The following CACNA2D3 variants were observed in gnomAD, a reference collection of about 807,000 sequenced individuals.
CACNA2D3 encodes calcium voltage-gated channel auxiliary subunit alpha2delta 3, also known as voltage-dependent calcium channel subunit alpha-2/delta-3.
A neutral mutation model predicts 160.6 loss-of-function variants in CACNA2D3; 60 were observed. The ratio of observed to expected loss-of-function variants is 0.37; its 90% CI spans 0.30 to 0.46. The LOEUF is 0.46. Ranked by LOEUF, CACNA2D3 falls within the 20% of genes least tolerant of loss-of-function variation. The pLI, the probability that CACNA2D3 is intolerant of heterozygous loss-of-function variation, is 1.00. For missense variants in CACNA2D3, 1,205 were observed against 1,365.0 expected (o/e 0.88, Z 1.85); for synonymous variants, 558 against 492.9 (o/e 1.13, Z -1.75).
chr3:55,012,572 C>T (rs2107149289), intron 34 of CACNA2D3, among the ~76,000 whole-genome samples: 1 of 152,226 alleles, frequency 6.6e-6, no homozygotes, highest in African/African-American at 2.4e-5. Context: ...ATGCCATTCA[C>T]TATGATCTTT....
chr3:55,071,362 G>T (rs1704800861), intron 35 of CACNA2D3, among the ~76,000 whole-genome samples: 1 of 152,066 alleles, frequency 6.6e-6, no homozygotes, highest in Non-Finnish European at 1.5e-5. Context: ...GCTTATACTG[G>T]CAGTCATGTG....
chr3:54,393,684 A>G (rs1408078555), intron 4 of CACNA2D3, among the ~76,000 whole-genome samples: 2 of 152,182 alleles, frequency 1.3e-5, no homozygotes, highest in African/African-American at 4.8e-5. Flanking sequence ...TGAGCTAAAG[A>G]GGTACATCAA....
intron 11 of CACNA2D3, among the ~76,000 whole-genome samples, chr3:54,716,675 C>G (rs1304430115): frequency 6.6e-6 from 1 of 152,024 alleles, no homozygotes; most frequent in Non-Finnish European, 1.5e-5. Context: ...ATGAGAAGTT[C>G]TATCTGTAGC....
chr3:54,247,521 AAACAC>A (rs1321807949), intron 2 of CACNA2D3, among the ~76,000 whole-genome samples: 1 of 152,230 alleles, frequency 6.6e-6, no homozygotes, highest in Non-Finnish European at 1.5e-5. Flanking sequence ...AAGAGCAAAT[AAACAC>A]AACAGATAAT....
intron 4 of CACNA2D3, among the ~76,000 whole-genome samples, chr3:54,435,578 C>T (rs1700047834): frequency 6.6e-6 from 1 of 152,108 alleles, no homozygotes; most frequent in Non-Finnish European, 1.5e-5. Context: ...ACACTCCCAC[C>T]CAGCCCTTCT....
At chr3:54,621,849 TGTAGTCTG>T (rs1698993701) in intron 9 of CACNA2D3, among the ~76,000 whole-genome samples, 1 of 152,204 alleles carries the variant, frequency 6.6e-6, no homozygotes, top group Admixed American at 6.5e-5. Flanking sequence ...GCGTTGGAGA[TGTAGTCTG>T]TTTTAATTTT....
At chr3:54,408,750 T>C (rs1305300893) in intron 4 of CACNA2D3, among the ~76,000 whole-genome samples, 1 of 152,220 alleles carries the variant, frequency 6.6e-6, no homozygotes, top group Non-Finnish European at 1.5e-5. Flanking sequence ...TTGGCAACTC[T>C]AATGACACTT....
intron 4 of CACNA2D3, among the ~76,000 whole-genome samples, chr3:54,426,887 C>T (rs1201420967): frequency 6.6e-6 from 1 of 151,974 alleles, no homozygotes; most frequent in South Asian, 2.1e-4. Context: ...ATCAGAAAAT[C>T]CTTTCTAGAT....
intron 11 of CACNA2D3, among the ~76,000 whole-genome samples, chr3:54,735,975 A>G (rs1391448054): frequency 2.3e-5 from 3 of 132,350 alleles, no homozygotes; most frequent in South Asian, 2.3e-4. Flanking sequence ...TTATTTTTCC[A>G]TGCATGTATA....
At chr3:54,242,045 GT>G (rs1484912241) in intron 2 of CACNA2D3, among the ~76,000 whole-genome samples, 1 of 152,110 alleles carries the variant, frequency 6.6e-6, no homozygotes, top group Non-Finnish European at 1.5e-5. Context: ...ACACTTATGT[GT>G]TTTCCTATAC....
At chr3:54,522,183 AT>A (rs1024220481) in intron 5 of CACNA2D3, among the ~76,000 whole-genome samples, 2 of 151,648 alleles carry the variant, frequency 1.3e-5, no homozygotes, top group African/African-American at 4.8e-5. Context: ...TATGAGATAT[AT>A]TTTTTTTCAT....
intron 26 of CACNA2D3, 110 bp from the exon 27 acceptor site, chr3:54,899,678 A>T (rs1700281132): frequency 5.1e-6 from 4 of 787,946 alleles, no homozygotes; most frequent in South Asian, 5.0e-5. Flanking sequence ...CCTGGGACCA[A>T]GCCCCAGAAC....
chr3:54,248,481 C>CA (rs577393882), intron 2 of CACNA2D3, among the ~76,000 whole-genome samples: 712 of 43,788 alleles, frequency 0.016, 1 homozygote, highest in Admixed American at 0.025. Flanking sequence ...AACTCCATCT[C>CA]AAAAAAAAAA....
chr3:54,612,070 G>C (rs993512219), intron 9 of CACNA2D3, among the ~76,000 whole-genome samples: 1 of 152,188 alleles, frequency 6.6e-6, no homozygotes, highest in East Asian at 1.9e-4. Context: ...CTACTAGTTG[G>C]CTGTCCCAGG....
chr3:54,434,620 C>T (rs1180582073), intron 4 of CACNA2D3, among the ~76,000 whole-genome samples: 1 of 152,210 alleles, frequency 6.6e-6, no homozygotes, highest in East Asian at 1.9e-4. Context: ...GCAGCTTATT[C>T]TGGCAGTCCT....
chr3:55,020,845 G>A (rs1436241440), intron 35 of CACNA2D3, among the ~76,000 whole-genome samples: 1 of 147,452 alleles, frequency 6.8e-6, no homozygotes, highest in Non-Finnish European at 1.5e-5. Flanking sequence ...GCTAGATTCC[G>A]TCTCAAAAAA....
intron 4 of CACNA2D3, among the ~76,000 whole-genome samples, chr3:54,443,832 A>G (rs1483578878): frequency 6.6e-6 from 1 of 152,236 alleles, no homozygotes; most frequent in Non-Finnish European, 1.5e-5. Flanking sequence ...TCATAGATCA[A>G]AGTGACCGCA....
At chr3:54,924,874 G>T (rs35540470) in intron 27 of CACNA2D3, 1 of 1,613,770 alleles carries the variant, frequency 6.2e-7, no homozygotes, top group African/African-American at 1.3e-5. Flanking sequence ...GAATGGAAAA[G>T]TCTGCTTTCC....
rs1559563788 is a variant in CACNA2D3, at chr3:54,736,113, ATATATACATATATATATG to A, written c.1168-16479_1168-16462del. 6.3e-3 allele frequency among the ~76,000 whole-genome samples: 161 copies of A among 25,728 alleles called. 11 individuals carry two copies. The highest frequency in any genetic ancestry group is 0.01 in the Admixed American group (22 of 2,120). 16.9% of individuals were successfully genotyped at this position (25,728 alleles called of 152,430 possible). A position where few individuals can be genotyped will look rare whatever the true frequency, so the allele number is the denominator to read the frequency against. On this transcript the variant is annotated intron_variant, in intron 11 of 37. Coordinates refer to ENST00000474759, the MANE Select transcript of CACNA2D3 (RefSeq NM_018398.3). ...TGTATATATATACATATATATGTAT[ATATATACATATATATATG>A]TATATATATACACACACACACACAC...
Sources: gnomAD v4.1 joint callset for allele counts (sites outside exome capture counted in the v4.1 genomes callset) on GRCh38, gnomAD v4.1.1 for gene constraint, MANE v1.5 for transcripts, NCBI Gene and HGNC (gene_info 2026-07-23, HGNC 2026-07-21) for gene names.